VSIG1: variants seen among roughly 807,000 people sequenced by gnomAD.
VSIG1 encodes the protein V-set and immunoglobulin domain containing 1, also known as V-set and immunoglobulin domain-containing protein 1.
VSIG1 carries 11 observed loss-of-function variants against 20.1 expected under a neutral mutation model. The observed-to-expected ratio is 0.55, with a 90% CI of 0.34 to 0.91. VSIG1 has a LOEUF of 0.91. Ranked by LOEUF, VSIG1 falls within the 40% of genes least tolerant of loss-of-function variation. The pLI is 0.02. For missense variants in VSIG1, 283 were observed against 298.8 expected (o/e 0.95, Z 0.39); for synonymous variants, 126 against 116.7 (o/e 1.08, Z -0.52).
At position 108,077,877 on chromosome X, in the gene VSIG1, T is replaced by G. The variant is rs1225104400; in HGVS notation, c.*496T>G. 9.0e-6 allele frequency: 1 copy of G among 111,644 alleles called. No individual in the cohort carries two copies. Among genetic ancestry groups the G allele is most frequent in the Non-Finnish European group, 1.9e-5 (1 of 53,655 alleles). 9.2% of individuals were successfully genotyped at this position (111,644 alleles called of 1,213,427 possible). On this transcript the variant is annotated 3_prime_UTR_variant, in exon 7 of 7. Coordinates refer to ENST00000217957, the MANE Select transcript of VSIG1 (RefSeq NM_182607.5). Reference sequence around the variant, plus strand: ...CACGTGCCACCACGCCCGGCTAATTTTTTGTATTTTTAGTAGAGATGGGGT... The same window carrying G: ...CACGTGCCACCACGCCCGGCTAATTGTTTGTATTTTTAGTAGAGATGGGGT...
At chrX:108,066,080 A>G (rs1471374318) in intron 2 of VSIG1, among the ~76,000 whole-genome samples, 3 of 111,403 alleles carry the variant, frequency 2.7e-5, no homozygotes, top group Non-Finnish European at 5.7e-5. Context: ...CACAGTTGCC[A>G]TTATGATCTA....
chrX:108,057,864 T>C (rs1391567700), intron 1 of VSIG1, among the ~76,000 whole-genome samples, 174 bp from the exon 2 acceptor site: 1 of 111,760 alleles, frequency 8.9e-6, no homozygotes, highest in Non-Finnish European at 1.9e-5. Flanking sequence ...GAAACTCTCC[T>C]CCCACTACCC....
the VSIG1 span, among the ~76,000 whole-genome samples, chrX:108,021,395 A>G: frequency 8.9e-6 from 1 of 111,900 alleles, no homozygotes; most frequent in African/African-American, 3.2e-5. Context: ...TGGGAAGTCT[A>G]AATTGGGTTG....
the VSIG1 span, among the ~76,000 whole-genome samples, chrX:108,022,024 G>GT: frequency 3.6e-5 from 4 of 110,753 alleles, no homozygotes; most frequent in South Asian, 3.8e-4. Flanking sequence ...GATTGCTTTG[G>GT]TTTTTTTTAG....
chrX:108,052,425 C>T (rs1602568088), intron 1 of VSIG1, among the ~76,000 whole-genome samples: 1 of 110,216 alleles, frequency 9.1e-6, no homozygotes, highest in African/African-American at 3.3e-5. Context: ...GTGGTGAAAC[C>T]CTATTTCTAC....
rs1205973834 is a variant in VSIG1 at position 108,078,036 on chromosome X, C to G, written c.*655C>G. ...TTTAGCTACTCTTATGTTCCACATG[C>G]ACATATGACAAGGTGGCATTAATTA... On this transcript the variant is annotated 3_prime_UTR_variant, in exon 7 of 7. Coordinates refer to ENST00000217957, the MANE Select transcript of VSIG1 (RefSeq NM_182607.5). 3 of 111,936 alleles carry G rather than the reference C, an allele frequency of 2.7e-5. No homozygotes were observed. Among genetic ancestry groups the G allele is most frequent in the Non-Finnish European group, 5.6e-5 (3 of 53,219 alleles). 9.2% of individuals were successfully genotyped at this position (111,936 alleles called of 1,213,427 possible).
chrX:108,075,263 TG>T (rs1370596534), intron 5 of VSIG1, among the ~76,000 whole-genome samples: 1 of 111,471 alleles, frequency 9.0e-6, no homozygotes, highest in African/African-American at 3.3e-5. Context: ...AATAAAAACA[TG>T]GGGGCAAGAA....
chrX:108,025,126 G>T, the VSIG1 span, among the ~76,000 whole-genome samples: 1 of 111,152 alleles, frequency 9.0e-6, no homozygotes, highest in Non-Finnish European at 1.9e-5. Context: ...ATATTTTCAG[G>T]CTCCACATTA....
chrX:108,020,459 T>C, the VSIG1 span, among the ~76,000 whole-genome samples: 1 of 112,103 alleles, frequency 8.9e-6, no homozygotes, highest in Non-Finnish European at 1.9e-5. Context: ...TTTTGAATTC[T>C]TGGTCAGAGA....
At chrX:108,051,267 C>G (rs777533975) in intron 1 of VSIG1, among the ~76,000 whole-genome samples, 1 of 111,270 alleles carries the variant, frequency 9.0e-6, no homozygotes, top group Non-Finnish European at 1.9e-5. Context: ...CTGTCCTCTC[C>G]TACCCATAGA....
At chrX:108,064,235 C>A (rs2031084803) in intron 2 of VSIG1, among the ~76,000 whole-genome samples, 1 of 111,939 alleles carries the variant, frequency 8.9e-6, no homozygotes, top group Admixed American at 9.4e-5. Flanking sequence ...AGGTACTTTA[C>A]TTCTTACAGA....
intron 4 of VSIG1, 61 bp from the exon 5 acceptor site, chrX:108,073,189 A>G (rs2031284527): frequency 4.3e-6 from 5 of 1,166,521 alleles, no homozygotes. Context: ...GTGATCTGTT[A>G]CACTGATGTT....
chrX:108,042,886 G>A (rs966594045), upstream of VSIG1, among the ~76,000 whole-genome samples: 4 of 112,015 alleles, frequency 3.6e-5, no homozygotes, highest in Non-Finnish European at 5.6e-5. Context: ...AGCACAAACA[G>A]GTTGGAGAAT....
At chrX:108,062,502 C>G (rs2031047980) in intron 2 of VSIG1, among the ~76,000 whole-genome samples, 2 of 111,970 alleles carry the variant, frequency 1.8e-5, no homozygotes, top group South Asian at 7.5e-4. Flanking sequence ...AAATTAATCT[C>G]ATGGTAAGGT....
chrX:108,075,927 T>A, intron 5 of VSIG1, 150 bp from the exon 6 acceptor site: 2 of 624,488 alleles, frequency 3.2e-6, no homozygotes, highest in Non-Finnish European at 4.6e-6. Flanking sequence ...TGAGTCCAAA[T>A]GACAGAGTTC....
At chrX:108,042,499 T>C (rs2030495615), upstream of VSIG1, among the ~76,000 whole-genome samples, 2 of 111,645 alleles carry the variant, frequency 1.8e-5, no homozygotes, top group Non-Finnish European at 3.8e-5. Flanking sequence ...CTTTCAAAAG[T>C]GTCCTAGTTT....
chrX:108,037,322 A>G, the VSIG1 span, among the ~76,000 whole-genome samples: 1 of 112,040 alleles, frequency 8.9e-6, no homozygotes, highest in African/African-American at 3.2e-5. Context: ...CAAAAAATAT[A>G]TATGAAAAAG....
chrX:108,030,232 T>C, the VSIG1 span, among the ~76,000 whole-genome samples: 1 of 111,949 alleles, frequency 8.9e-6, no homozygotes, highest in Admixed American at 9.5e-5. Context: ...ATGATCATCA[T>C]CTAATTCTCT....
chrX:108,057,839 T>C (rs942794015), intron 1 of VSIG1, among the ~76,000 whole-genome samples, 199 bp from the exon 2 acceptor site: 1 of 111,414 alleles, frequency 9.0e-6, no homozygotes, highest in African/African-American at 3.3e-5. Flanking sequence ...AGTATCTTCA[T>C]ATGATAATTT....
Sources: allele counts gnomAD v4.1 joint callset (sites outside exome capture counted in the v4.1 genomes callset), GRCh38; gene constraint gnomAD v4.1.1; transcripts MANE v1.5; gene names NCBI Gene and HGNC (gene_info 2026-07-23, HGNC 2026-07-21).